GIGYF2: variants seen among roughly 807,000 people sequenced by gnomAD.
GIGYF2 encodes the protein GRB10 interacting GYF protein 2, also known as GRB10-interacting GYF protein 2.
A neutral mutation model predicts 208.1 loss-of-function variants in GIGYF2; 25 were observed. The ratio of observed to expected loss-of-function variants is 0.12; its 90% CI spans 0.09 to 0.17. The LOEUF (loss-of-function observed/expected upper bound fraction) is 0.17, where lower values mean the gene tolerates loss of function less well. Among genes scored for constraint, GIGYF2 ranks in the 10% least tolerant of loss-of-function variants. GIGYF2 has a pLI of 1.00. For synonymous variants in GIGYF2, 534 were observed against 543.8 expected (o/e 0.98, Z 0.25); for missense variants, 1,302 against 1,579.4 (o/e 0.82, Z 2.98).
intron 2 of GIGYF2, chr2:232,729,742 T>C: frequency 1.3e-6 from 1 of 752,718 alleles, no homozygotes. Flanking sequence ...TTGCCATATC[T>C]GTCTTATCAT....
At chr2:232,707,295 T>C (rs1264798607) in intron 2 of GIGYF2, among the ~76,000 whole-genome samples, 1 of 152,204 alleles carries the variant, frequency 6.6e-6, no homozygotes. Flanking sequence ...CTCTTCAGTA[T>C]TGGTCCTTTG....
At chr2:232,824,047 C>T (rs1171031095) in intron 21 of GIGYF2, among the ~76,000 whole-genome samples, 2 of 152,110 alleles carry the variant, frequency 1.3e-5, no homozygotes, top group Non-Finnish European at 2.9e-5. Flanking sequence ...TGAACTGTGC[C>T]CATGTAAGGC....
At chr2:232,844,687 T>C in intron 25 of GIGYF2, 113 bp downstream of exon 25, 1 of 735,106 alleles carries the variant, frequency 1.4e-6, no homozygotes, top group African/African-American at 1.7e-5. Flanking sequence ...TTGCTTACCG[T>C]TTTCATCTGT....
At chr2:232,777,541 G>A (rs1384378567) in intron 8 of GIGYF2, among the ~76,000 whole-genome samples, 1 of 152,086 alleles carries the variant, frequency 6.6e-6, no homozygotes, top group Admixed American at 6.5e-5. Flanking sequence ...AAGGCCTGCT[G>A]GGAAAATTAT....
At chr2:232,843,562 C>CAAAAAA (rs577833427) in intron 23 of GIGYF2, among the ~76,000 whole-genome samples, 1 of 91,574 alleles carries the variant, frequency 1.1e-5, no homozygotes, top group Non-Finnish European at 2.1e-5. Flanking sequence ...GACCCTGTCT[C>CAAAAAA]AAAAAAAAAA....
intron 21 of GIGYF2, 104 bp downstream of exon 21, chr2:232,820,089 T>C (rs1701030386): frequency 2.4e-6 from 3 of 1,271,236 alleles, no homozygotes; most frequent in Non-Finnish European, 3.4e-6. Context: ...TTTTTCAGGT[T>C]GCTAAAAATT....
intron 10 of GIGYF2, 28 bp downstream of exon 10, chr2:232,790,943 C>T (rs1456345268): frequency 6.2e-7 from 1 of 1,610,430 alleles, no homozygotes; most frequent in East Asian, 2.2e-5. Flanking sequence ...AATGTCATGA[C>T]CAGCATTAAC....
intron 2 of GIGYF2, among the ~76,000 whole-genome samples, chr2:232,732,618 CT>C (rs1697550779): frequency 6.6e-6 from 1 of 150,866 alleles, no homozygotes; most frequent in East Asian, 1.9e-4. Context: ...ATAGTGTTTT[CT>C]TTTTTATTTT....
chr2:232,713,460 G>A (rs1275892884), intron 2 of GIGYF2, among the ~76,000 whole-genome samples: 1 of 152,204 alleles, frequency 6.6e-6, no homozygotes, highest in Non-Finnish European at 1.5e-5. Context: ...AAATTGAGAA[G>A]ATAGTGCGGA....
At chr2:232,767,930 A>G in intron 8 of GIGYF2, 1 of 461,588 alleles carries the variant, frequency 2.2e-6, no homozygotes, top group Non-Finnish European at 3.9e-6. Flanking sequence ...ATTCTTATAA[A>G]TTCACCAGCA....
chr2:232,822,488 C>T (rs1013597353), intron 21 of GIGYF2, among the ~76,000 whole-genome samples: 12 of 152,214 alleles, frequency 7.9e-5, no homozygotes, highest in Non-Finnish European at 1.5e-4. Context: ...CGAGACCAGC[C>T]TGGCCAACAG....
Position 232,806,084 on chromosome 2 carries a change from C to T in GIGYF2, c.1640-407C>T, listed in dbSNP as rs1238696437. Among the ~76,000 whole-genome samples the T allele has an allele frequency of 6.6e-6, 1 of 152,192 alleles. No individual in the cohort carries two copies. The highest frequency in any genetic ancestry group is 1.9e-4 in the East Asian group (1 of 5,206). ...CTTAATTATTGTTTACATTTTGCCCCACTTTCGCTAATCTATGGCAGAAAA... is the reference window on the plus strand; with the variant it reads ...CTTAATTATTGTTTACATTTTGCCCTACTTTCGCTAATCTATGGCAGAAAA... On this transcript the variant is annotated intron_variant, in intron 14 of 28. Transcript: ENST00000373563. This position sits in a 1 kb window ranked among gnomAD's most constrained non-coding sequence, Gnocchi z 4.0.
In GIGYF2 at chr2:232,844,524, G is replaced by T. The variant is rs1317040862; in HGVS notation, c.3255G>T (p.Glu1085Asp). The change falls in exon 25 of 29, where the codon GAG (glutamate) becomes GAT (aspartate). Residue 1085 changes from glutamate (E) to aspartate (D), a missense_variant. Physicochemically the swap from Glu to Asp is conservative, Grantham distance 45 (BLOSUM62 2). Around this residue, in one of 8 missense-constraint regions of GIGYF2, gnomAD observed 701 missense variants for 793.0 expected, o/e 0.88. Coordinates refer to ENST00000373563, the MANE Select transcript of GIGYF2 (RefSeq NM_001103146.3). ...NMGFWDDAVK[E>D]VGPRNSTNKN... ...GATTCTGGGATGATGCAGTGAAAGA[G>T]GTGGGACCTAGGAATTCAACAAATA... 1 of 1,614,000 alleles carries T rather than the reference G, an allele frequency of 6.2e-7. No homozygotes were observed. The highest frequency in any genetic ancestry group is 2.2e-5 in the East Asian group (1 of 44,888).
At chr2:232,739,369 C>CG (rs928065018) in intron 3 of GIGYF2, among the ~76,000 whole-genome samples, 1 of 136,162 alleles carries the variant, frequency 7.3e-6, no homozygotes, top group South Asian at 2.5e-4. Context: ...AAACCCCCCC[C>CG]CCCCCGCAAA....
intron 6 of GIGYF2, among the ~76,000 whole-genome samples, chr2:232,757,137 T>C (rs556789930): frequency 5.3e-5 from 8 of 152,296 alleles, no homozygotes; most frequent in Non-Finnish European, 1.2e-4. Flanking sequence ...ATCATGAGTA[T>C]AGAGTATTTA....
At chr2:232,729,028 G>T (rs1319562203) in intron 2 of GIGYF2, among the ~76,000 whole-genome samples, 1 of 151,866 alleles carries the variant, frequency 6.6e-6, no homozygotes, top group African/African-American at 2.4e-5. Flanking sequence ...GCCCAGGCTG[G>T]AGGGCAGTGG....
chr2:232,771,869 T>C (rs1474579322), intron 8 of GIGYF2, among the ~76,000 whole-genome samples: 1 of 152,246 alleles, frequency 6.6e-6, no homozygotes, highest in Non-Finnish European at 1.5e-5. Context: ...TATTAAACTG[T>C]CTGCAAATCC....
At chr2:232,803,630 T>C (rs1159001324) in intron 14 of GIGYF2, among the ~76,000 whole-genome samples, 1 of 152,046 alleles carries the variant, frequency 6.6e-6, no homozygotes, top group Non-Finnish European at 1.5e-5. Flanking sequence ...TTAAGCATAT[T>C]TGTGTGGGTC....
At chr2:232,776,424 G>A (rs1699516090) in intron 8 of GIGYF2, 1 of 1,594,366 alleles carries the variant, frequency 6.3e-7, no homozygotes, top group Non-Finnish European at 8.6e-7. Context: ...AAGAAGAATG[G>A]ATATTATTGC....
Sources: allele counts gnomAD v4.1 joint callset (sites outside exome capture counted in the v4.1 genomes callset), GRCh38; gene constraint gnomAD v4.1.1; regional missense constraint gnomAD v4.1.1; non-coding constraint Gnocchi (gnomAD v3.1); transcripts MANE v1.5; gene names NCBI Gene and HGNC (gene_info 2026-07-23, HGNC 2026-07-21).